ZKSCAN1: variants seen among roughly 807,000 people sequenced by gnomAD.
ZKSCAN1 encodes the protein zinc finger protein with KRAB and SCAN domains 1.
ZKSCAN1 carries 14 observed loss-of-function variants against 51.6 expected under a neutral mutation model. That is an observed-to-expected ratio of 0.27 (90% CI 0.18 to 0.42). ZKSCAN1 has a LOEUF of 0.42. Among genes scored for constraint, ZKSCAN1 ranks in the 10% least tolerant of loss-of-function variants. The pLI is 1.00. For missense variants in ZKSCAN1, 531 were observed against 710.0 expected, an observed-to-expected ratio of 0.75 and a Z score of 2.86; for synonymous variants, 263 against 261.5, an observed-to-expected ratio of 1.01 and a Z score of -0.06.
Position 100,015,687 on chromosome 7 carries a change from T to A in ZKSCAN1, c.-128T>A, listed in dbSNP as rs748020634. ...GCCTGAGCCCCAGAGTCAGCTCCCC[T>A]TTCTCGCCCAGCGCCCCCAGGCCGC... On this transcript the variant is annotated 5_prime_UTR_variant, in exon 1 of 6. Coordinates refer to ENST00000324306, the MANE Select transcript of ZKSCAN1 (RefSeq NM_003439.4). 2 of 152,276 alleles carry A rather than the reference T, an allele frequency of 1.3e-5. No homozygotes were observed. Among genetic ancestry groups the A allele is most frequent in the Non-Finnish European group, 2.9e-5 (2 of 68,158 alleles). The allele number at this position is 152,276 out of a possible 1,614,324, so 9.4% of individuals were successfully genotyped here. A position where few individuals can be genotyped will look rare whatever the true frequency, so the allele number is the denominator to read the frequency against.
chr7:100,021,812 G>C lies in ZKSCAN1; in HGVS notation c.-88-1607G>C, dbSNP rs544618390. Among the ~76,000 whole-genome samples the C allele has an allele frequency of 1.9e-3, 287 of 148,544 alleles. 2 individuals carry two copies. The highest frequency in any genetic ancestry group is 6.9e-3 in the African/African-American group (276 of 40,250). On this transcript the variant is annotated intron_variant, in intron 1 of 5. Coordinates refer to ENST00000324306, the MANE Select transcript of ZKSCAN1 (RefSeq NM_003439.4). ...CAGGCTGGAATGCAGTGGCGTGATCGTAGCTGACTGCAGCCTCAAACTTCT... is the reference window on the plus strand; with the variant it reads ...CAGGCTGGAATGCAGTGGCGTGATCCTAGCTGACTGCAGCCTCAAACTTCT...
chr7:100,024,367 T>C (rs773703352), intron 3 of ZKSCAN1, 60 bp downstream of exon 3: 1 of 1,580,050 alleles, frequency 6.3e-7, no homozygotes, highest in African/African-American at 1.3e-5. Flanking sequence ...GTCTTTGTGC[T>C]GCTGAGTGCC....
rs1763825036 is a variant in ZKSCAN1, at chr7:100,034,530, A to G, written c.*333A>G. ...CTCTTGGACTCTCGGCAACCACAAC[A>G]TAATAGTTGAAAGATCAAGATTGGC... On this transcript the variant is annotated 3_prime_UTR_variant, in exon 6 of 6. Transcript: ENST00000324306. The G allele has an allele frequency of 1.9e-6, 2 of 1,031,296 alleles. No individual in the cohort carries two copies. Among genetic ancestry groups the G allele is most frequent in the Non-Finnish European group, 2.3e-6 (2 of 859,698 alleles). 63.9% of individuals were successfully genotyped at this position (1,031,296 alleles called of 1,614,324 possible).
chr7:100,036,390 C>A lies in ZKSCAN1; in HGVS notation c.*2193C>A, dbSNP rs778651800. 2 of 985,248 alleles carry A rather than the reference C, an allele frequency of 2.0e-6. No homozygotes were observed. The highest frequency in any genetic ancestry group is 3.5e-5 in the African/African-American group (2 of 57,214). The allele number at this position is 985,248 out of a possible 1,614,324, so 61.0% of individuals were successfully genotyped here. On this transcript the variant is annotated 3_prime_UTR_variant, in exon 6 of 6. Coordinates refer to ENST00000324306, the MANE Select transcript of ZKSCAN1 (RefSeq NM_003439.4). ...CACAGCAATGGTTTTGTAGAAAACT[C>A]CTGTGCTTTTGAGCAAGGACTTTTG...
At chr7:100,042,006 T>C (rs147224273), downstream of ZKSCAN1, among the ~76,000 whole-genome samples, 13 of 152,208 alleles carry the variant, frequency 8.5e-5, no homozygotes, top group East Asian at 2.5e-3. Flanking sequence ...GAATTACTGA[T>C]AACAACAGAC....
chr7:100,044,960 C>T (rs1465022896), downstream of ZKSCAN1: 6 of 985,110 alleles, frequency 6.1e-6, no homozygotes, highest in East Asian at 1.1e-4. Context: ...ATGATGAGAA[C>T]GAGCGAGGAA....
At position 100,038,355 on chromosome 7, in the gene ZKSCAN1, C is replaced by G; in HGVS notation, c.*4158C>G. On this transcript the variant is annotated 3_prime_UTR_variant, in exon 6 of 6. Coordinates refer to ENST00000324306, the MANE Select transcript of ZKSCAN1 (RefSeq NM_003439.4). ...GTAGACAAAAAGTCGGTTCACAGAA[C>G]GGAGCAGCGGGGAGAGGAAGGGAAA... 6.1e-6 allele frequency: 6 copies of G among 985,414 alleles called. No homozygotes were observed. The highest frequency in any genetic ancestry group is 4.8e-6 in the Non-Finnish European group (4 of 829,932). 61.0% of individuals were successfully genotyped at this position (985,414 alleles called of 1,614,324 possible). A position where few individuals can be genotyped will look rare whatever the true frequency, so the allele number is the denominator to read the frequency against.
intron 1 of ZKSCAN1, among the ~76,000 whole-genome samples, chr7:100,017,215 AT>A (rs1790404883): frequency 6.6e-6 from 1 of 151,952 alleles, no homozygotes; most frequent in South Asian, 2.1e-4. Flanking sequence ...AGGGCAATTT[AT>A]TTAAAAAAAA....
rs1000683141 is a variant in ZKSCAN1 at position 100,038,364 on chromosome 7, G to A, written c.*4167G>A. On this transcript the variant is annotated 3_prime_UTR_variant, in exon 6 of 6. Coordinates refer to ENST00000324306, the MANE Select transcript of ZKSCAN1 (RefSeq NM_003439.4). ...AAGTCGGTTCACAGAACGGAGCAGC[G>A]GGGAGAGGAAGGGAAAAGCTTCATA... 9.0e-5 allele frequency: 89 copies of A among 985,336 alleles called. No homozygotes were observed. Among genetic ancestry groups the A allele is most frequent in the Non-Finnish European group, 1.0e-4 (84 of 829,944 alleles). The allele number at this position is 985,336 out of a possible 1,614,324, so 61.0% of individuals were successfully genotyped here. A position where few individuals can be genotyped will look rare whatever the true frequency, so the allele number is the denominator to read the frequency against.
downstream of ZKSCAN1, chr7:100,044,852 C>G (rs1474002868): frequency 2.0e-6 from 2 of 985,298 alleles, no homozygotes; most frequent in Non-Finnish European, 2.4e-6. Context: ...AGGACATGTT[C>G]GGAGTTGTCA....
chr7:100,034,544 A>G lies in ZKSCAN1; in HGVS notation c.*347A>G, dbSNP rs937153049. ...GCAACCACAACATAATAGTTGAAAG[A>G]TCAAGATTGGCTCCACGAAAGTGAT... is the stretch of plus-strand genomic sequence containing the variant. On this transcript the variant is annotated 3_prime_UTR_variant, in exon 6 of 6. Transcript: ENST00000324306. 99 of 1,020,640 alleles carry G rather than the reference A, an allele frequency of 9.7e-5. No individual in the cohort carries two copies. Among genetic ancestry groups the G allele is most frequent in the Non-Finnish European group, 1.1e-4 (96 of 853,076 alleles). 63.2% of individuals were successfully genotyped at this position (1,020,640 alleles called of 1,614,324 possible). A position where few individuals can be genotyped will look rare whatever the true frequency, so the allele number is the denominator to read the frequency against.
rs1791502262 is a variant in ZKSCAN1, at chr7:100,039,417, A to G, written c.*5220A>G. 1.0e-6 allele frequency: 1 copy of G among 985,460 alleles called. No homozygotes were observed. The highest frequency in any genetic ancestry group is 1.2e-6 in the Non-Finnish European group (1 of 829,940). 61.0% of individuals were successfully genotyped at this position (985,460 alleles called of 1,614,324 possible). A position where few individuals can be genotyped will look rare whatever the true frequency, so the allele number is the denominator to read the frequency against. ...AGATGCATCCAGTCGTGGCATTGCA[A>G]GAAGTCTGTCTGATGAAGCTCGGGA... On this transcript the variant is annotated 3_prime_UTR_variant, in exon 6 of 6. Coordinates refer to ENST00000324306, the MANE Select transcript of ZKSCAN1 (RefSeq NM_003439.4).
At chr7:100,015,747 C>T (rs13244988) in intron 1 of ZKSCAN1, 21 bp downstream of exon 1, 3 of 145,962 alleles carry the variant, frequency 2.1e-5, no homozygotes, top group African/African-American at 7.4e-5. Context: ...GGGCCGGCCT[C>T]TGGGGTGGGA....
chr7:100,033,956 C>T lies in ZKSCAN1; in HGVS notation c.1451C>T (p.Thr484Met), dbSNP rs574404739. 5 of 1,614,030 alleles carry T rather than the reference C, an allele frequency of 3.1e-6. No individual in the cohort carries two copies. In the African/African-American group the frequency reaches 4.0e-5, roughly 13 times the overall value. Residue 484 changes from threonine to methionine, a missense_variant, in exon 6 of 6, where the codon ACG (threonine) becomes ATG (methionine). By Grantham distance (81) the Thr-to-Met change is moderately conservative. Transcript: ENST00000324306. The surrounding 1 kb of genome is among the most constrained non-coding windows in gnomAD (Gnocchi z 4.1). ...CTCACCAAGCATCAGAGAATTCACACGGGGGAGAAACCCTATGAATGTAGT... is the reference window on the plus strand; with the variant it reads ...CTCACCAAGCATCAGAGAATTCACATGGGGGAGAAACCCTATGAATGTAGT... ...SDLTKHQRIH[T>M]GEKPYECSEC... is the part of the protein sequence containing the mutation.
At chr7:100,044,772 C>G (rs1306797088), downstream of ZKSCAN1, 3 of 983,370 alleles carry the variant, frequency 3.1e-6, no homozygotes, top group Non-Finnish European at 3.6e-6. Context: ...CTTTTCCTTT[C>G]AATTTCTTTA....
Position 100,037,399 on chromosome 7 carries a change from C to G in ZKSCAN1, c.*3202C>G. On this transcript the variant is annotated 3_prime_UTR_variant, in exon 6 of 6. Transcript: ENST00000324306. ...AACCTGAGATTATCGATCTATGAGA[C>G]ATCTTGATATGTAAAGCACTTAATA... 1 of 985,416 alleles carries G rather than the reference C, an allele frequency of 1.0e-6. No individual in the cohort carries two copies. The highest frequency in any genetic ancestry group is 1.2e-6 in the Non-Finnish European group (1 of 829,940). 61.0% of individuals were successfully genotyped at this position (985,416 alleles called of 1,614,324 possible).
chr7:100,023,835 A>C lies in ZKSCAN1; in HGVS notation c.329A>C (p.Lys110Thr). ...GAGCAGTTTCTTTCCATCCTGCCCA[A>C]GGAGCTCCAGGTCTGGCTGCAGGAA... ...VLEQFLSILP[K>T]ELQVWLQEYR... Residue 110 changes from lysine to threonine, a missense_variant, in exon 2 of 6, where the codon AAG (lysine) becomes ACG (threonine). Physicochemically the swap from Lys to Thr is moderately conservative, Grantham distance 78 (BLOSUM62 -1). Transcript: ENST00000324306. 4 of 1,614,142 alleles carry C rather than the reference A, an allele frequency of 2.5e-6. No individual in the cohort carries two copies. The highest frequency in any genetic ancestry group is 3.4e-6 in the Non-Finnish European group (4 of 1,180,034).
At position 100,035,632 on chromosome 7, in the gene ZKSCAN1, T is replaced by G. The variant is rs1791326681; in HGVS notation, c.*1435T>G. ...GTAACTTTGCAAAAGCATTAATTGT[T>G]CACTGGCAATTACTAAATGTATTTT... On this transcript the variant is annotated 3_prime_UTR_variant, in exon 6 of 6. Transcript: ENST00000324306. 6.3e-6 allele frequency: 1 copy of G among 158,670 alleles called. No homozygotes were observed. Among genetic ancestry groups the G allele is most frequent in the Non-Finnish European group, 1.4e-5 (1 of 73,826 alleles). 9.8% of individuals were successfully genotyped at this position (158,670 alleles called of 1,614,324 possible).
Position 100,033,277 on chromosome 7 carries a change from G to A in ZKSCAN1, c.800-28G>A, listed in dbSNP as rs777637884. 19 of 1,568,928 alleles carry A rather than the reference G, an allele frequency of 1.2e-5. No individual in the cohort carries two copies. Among genetic ancestry groups the A allele is most frequent in the South Asian group, 3.6e-5 (3 of 83,020 alleles). ...CTGTATATTCAAAAGAAAAAGGTGC[G>A]ATTTGAATTTTCTATTTATTATGTC... On this transcript the variant is annotated intron_variant, in intron 5 of 5. Transcript: ENST00000324306. This position sits in a 1 kb window ranked among gnomAD's most constrained non-coding sequence, Gnocchi z 4.1.
Sources: allele counts gnomAD v4.1 joint callset (sites outside exome capture counted in the v4.1 genomes callset), GRCh38; gene constraint gnomAD v4.1.1; non-coding constraint Gnocchi (gnomAD v3.1); transcripts MANE v1.5; gene names NCBI Gene and HGNC (gene_info 2026-07-23, HGNC 2026-07-21).